SHANK2: variants seen among roughly 807,000 people sequenced by gnomAD.
SHANK2 encodes the protein SH3 and multiple ankyrin repeat domains protein 2.
In SHANK2, 43 loss-of-function variants were observed where a neutral mutation model predicts 133.7. The ratio of observed to expected loss-of-function variants is 0.32; its 90% confidence interval spans 0.25 to 0.41. The LOEUF (loss-of-function observed/expected upper bound fraction) is 0.41, where lower values mean the gene tolerates loss of function less well. Among genes scored for constraint, SHANK2 ranks in the 10% least tolerant of loss-of-function variants. The pLI, the probability that SHANK2 is intolerant of heterozygous loss-of-function variation, is 1.00. For missense variants in SHANK2, 1,994 were observed against 2,235.8 expected (o/e 0.89, Z 2.18); for synonymous variants, 1,017 against 952.8 (o/e 1.07, Z -1.24).
intron 14 of SHANK2, among the ~76,000 whole-genome samples, chr11:70,767,043 T>C (rs1565302671): frequency 6.6e-6 from 1 of 152,178 alleles, no homozygotes; most frequent in African/African-American, 2.4e-5. Flanking sequence ...CGGGGAGGCA[T>C]CAGACAGGGT....
chr11:71,193,861 G>A (rs75910709), intron 2 of SHANK2, among the ~76,000 whole-genome samples: 5,961 of 152,214 alleles, frequency 0.039, 282 homozygotes, highest in East Asian at 0.16. Flanking sequence ...TACAGCTGTC[G>A]TCTTCTAAGG....
At chr11:70,921,385 C>A (rs930312859) in intron 10 of SHANK2, among the ~76,000 whole-genome samples, 2 of 152,172 alleles carry the variant, frequency 1.3e-5, no homozygotes, top group Admixed American at 1.3e-4. Context: ...GGTCCTTGGG[C>A]CAAGAGCCGA....
At chr11:71,245,610 T>A (rs1216013282) in intron 1 of SHANK2, among the ~76,000 whole-genome samples, 2 of 152,238 alleles carry the variant, frequency 1.3e-5, no homozygotes, top group Non-Finnish European at 2.9e-5. Context: ...CGGTGCCTTC[T>A]TCTGCACGGT....
chr11:70,928,608 G>T (rs189606729), intron 10 of SHANK2, among the ~76,000 whole-genome samples: 6 of 152,266 alleles, frequency 3.9e-5, no homozygotes, highest in Admixed American at 3.9e-4. Context: ...CAGATCCCTG[G>T]GGGGGAAGAG....
intron 17 of SHANK2, among the ~76,000 whole-genome samples, chr11:70,510,162 C>T (rs1456800007): frequency 3.3e-5 from 5 of 152,138 alleles, no homozygotes; most frequent in Non-Finnish European, 5.9e-5. Flanking sequence ...ACCCTGGGGC[C>T]GCAGTTCACC....
At chr11:71,094,465 G>A (rs150386068) in intron 7 of SHANK2, 72 bp downstream of exon 7, 14 of 1,458,012 alleles carry the variant, frequency 9.6e-6, no homozygotes, top group African/African-American at 2.8e-5. Context: ...TGGGCACTGC[G>A]GGGATGGGAT....
Position 70,486,363 on chromosome 11 carries a change from C to A in SHANK2, c.3930G>T (p.Ser1310=), listed in dbSNP as rs550763283. Residue 1310 remains serine, a synonymous_variant, in exon 25 of 26, where the codon TCG becomes TCT. Transcript: ENST00000601538. The surrounding 1 kb of genome is among the most constrained non-coding windows in gnomAD (Gnocchi z 8.0). ...CGGTGTGCACCATCAGCAGGCCAGC[C>A]GACTTCTGCTGGGACGTGTCCATGA... ...IDIMDTSQQK[S]AGLLMVHTVD... is the part of the protein sequence containing the mutation. The A allele has an allele frequency of 6.2e-7, 1 of 1,613,786 alleles. No homozygotes were observed. Among genetic ancestry groups the A allele is most frequent in the African/African-American group, 1.3e-5 (1 of 74,884 alleles).
intron 17 of SHANK2, chr11:70,571,380 G>A (rs144107813): frequency 4.4e-4 from 67 of 152,342 alleles, no homozygotes; most frequent in African/African-American, 1.5e-3. Flanking sequence ...CCAGGCTCTC[G>A]GCTAGGCCAC....
At chr11:70,714,307 C>G (rs546709343) in intron 14 of SHANK2, among the ~76,000 whole-genome samples, 1 of 152,258 alleles carries the variant, frequency 6.6e-6, no homozygotes, top group African/African-American at 2.4e-5. Flanking sequence ...CACCTGGCCC[C>G]TGCAGCCTGG....
chr11:71,071,609 G>T (rs921841393), intron 9 of SHANK2, among the ~76,000 whole-genome samples: 34,734 of 152,150 alleles, frequency 0.23, 4,486 homozygotes, highest in Non-Finnish European at 0.27. Context: ...ATCAGCAGAA[G>T]GCTTGACTGA....
At position 71,147,260 on chromosome 11, in the gene SHANK2, A is replaced by G; in HGVS notation, c.67T>C (p.Ser23Pro). The change falls in exon 3 of 26, where the codon TCG becomes CCG. Residue 23 changes from serine (S) to proline (P), a missense_variant. Ser to Pro is a moderately conservative substitution (Grantham distance 74, BLOSUM62 -1). Around this residue, in one of 5 missense-constraint regions of SHANK2, gnomAD observed 653 missense variants for 563.4 expected, o/e 1.16. Coordinates refer to ENST00000601538, the MANE Select transcript of SHANK2 (RefSeq NM_012309.5). Reference protein sequence around the residue: ...AQSFSDYSVGSESDSSKEETI... With the variant: ...AQSFSDYSVGPESDSSKEETI... ...TCTTCTTTGGAGCTGTCTGACTCCGACCCCACGGAGTAGTCGGAGAAGCTC... is the reference window on the plus strand; with the variant it reads ...TCTTCTTTGGAGCTGTCTGACTCCGGCCCCACGGAGTAGTCGGAGAAGCTC... 1 of 1,550,612 alleles carries G rather than the reference A, an allele frequency of 6.4e-7. No homozygotes were observed. Among genetic ancestry groups the G allele is most frequent in the Non-Finnish European group, 8.7e-7 (1 of 1,146,850 alleles).
In SHANK2 at chr11:70,509,618, C is replaced by T. The variant is rs142656622; in HGVS notation, c.2062-6687G>A. ...CTGACTCAGCCCACCCTGCTGGCCA[C>T]GACTTGAAGCTGGGGACTTGCAGTG... On this transcript the variant is annotated intron_variant, in intron 17 of 25. Transcript: ENST00000601538. Among the ~76,000 whole-genome samples, 9 of 152,328 alleles carry T rather than the reference C, an allele frequency of 5.9e-5. No individual in the cohort carries two copies. In the East Asian group the frequency reaches 9.7e-4, roughly 16 times the overall value.
chr11:71,115,974 T>A (rs1203877463), intron 4 of SHANK2, among the ~76,000 whole-genome samples: 1 of 152,212 alleles, frequency 6.6e-6, no homozygotes, highest in Non-Finnish European at 1.5e-5. Context: ...ATAAGCAAAC[T>A]GAGGCCAGGA....
At chr11:70,504,921 CTCAT>C (rs563840936) in intron 17 of SHANK2, among the ~76,000 whole-genome samples, 1 of 152,082 alleles carries the variant, frequency 6.6e-6, no homozygotes. Flanking sequence ...GTGGCTGTTG[CTCAT>C]TCATTCATTC....
At chr11:70,544,155 C>CCT (rs1261913582) in intron 17 of SHANK2, among the ~76,000 whole-genome samples, 2 of 152,192 alleles carry the variant, frequency 1.3e-5, no homozygotes, top group African/African-American at 4.8e-5. Flanking sequence ...CCATCCTGTG[C>CCT]CTCTCCCTGG....
At chr11:70,520,502 G>A (rs182738472) in intron 17 of SHANK2, among the ~76,000 whole-genome samples, 5 of 152,166 alleles carry the variant, frequency 3.3e-5, no homozygotes, top group East Asian at 1.9e-4. Context: ...ACATAGTATC[G>A]AGGGCACACA....
intron 14 of SHANK2, among the ~76,000 whole-genome samples, chr11:70,757,965 G>T (rs1389469866): frequency 6.6e-6 from 1 of 152,164 alleles, no homozygotes; most frequent in Non-Finnish European, 1.5e-5. Context: ...CCTTCTGGAG[G>T]TGAGAGACAG....
intron 15 of SHANK2, among the ~76,000 whole-genome samples, chr11:70,675,415 A>AG (rs1452735654): frequency 1.3e-5 from 2 of 152,152 alleles, no homozygotes; most frequent in Non-Finnish European, 2.9e-5. Context: ...TAAAGCAGAG[A>AG]GGTTGAGTGA....
Position 71,108,816 on chromosome 11 carries a change from G to A in SHANK2, c.592+1125C>T, listed in dbSNP as rs1400375449. On this transcript the variant is annotated intron_variant, in intron 6 of 25. Coordinates refer to ENST00000601538, the MANE Select transcript of SHANK2 (RefSeq NM_012309.5). The stretch of plus-strand genomic sequence containing the variant: ...CAAAGCTACCAGCAGCCACAAGCCC[G>A]TGCCGGCTTCTCCTGCTGCTCACAG... 3.9e-5 allele frequency among the ~76,000 whole-genome samples: 6 copies of A among 152,198 alleles called. No homozygotes were observed. The East Asian group carries it at 7.7e-4, about 20-fold the overall frequency.
Sources: allele counts gnomAD v4.1 joint callset (sites outside exome capture counted in the v4.1 genomes callset), GRCh38; gene constraint gnomAD v4.1.1; regional missense constraint gnomAD v4.1.1; non-coding constraint Gnocchi (gnomAD v3.1); transcripts MANE v1.5; gene names NCBI Gene and HGNC (gene_info 2026-07-23, HGNC 2026-07-21).